The following XPR1 variants were observed in gnomAD, a reference collection of about 807,000 sequenced individuals.
XPR1 encodes solute carrier family 53 member 1.
Under a neutral mutation model 87.5 loss-of-function variants are expected in XPR1, and 28 were observed. The ratio of observed to expected loss-of-function variants is 0.32; its 90% CI spans 0.24 to 0.44. The LOEUF (loss-of-function observed/expected upper bound fraction) is 0.44. Ranked by LOEUF, XPR1 falls within the 20% of genes least tolerant of loss-of-function variation. XPR1 has a pLI of 1.00. For synonymous variants in XPR1, 300 were observed against 306.1 expected (o/e 0.98, Z 0.21); for missense variants, 559 against 862.3 (o/e 0.65, Z 4.41).
rs150022313 is a variant in XPR1 at position 180,682,389 on chromosome 1, G to C, written c.99G>C (p.Gln33His). Reference protein sequence around the residue: ...EAFKDMLYSAQDQAPSVEVTD... With the variant: ...EAFKDMLYSAHDQAPSVEVTD... The stretch of plus-strand genomic sequence containing the variant: ...TCAAGGATATGCTGTATTCAGCTCA[G>C]GACCAGGCACCTTCTGTGGAAGGTA... Residue 33 changes from glutamine (Q) to histidine (H), a missense_variant, in exon 2 of 15, where the codon CAG (glutamine) becomes CAC (histidine). Coordinates refer to ENST00000367590, the MANE Select transcript of XPR1 (RefSeq NM_004736.4). 5.0e-6 allele frequency: 8 copies of C among 1,601,818 alleles called. No homozygotes were observed. In the African/African-American group the frequency reaches 9.4e-5, roughly 19 times the overall value.
chr1:180,666,068 C>G (rs1415259448), intron 1 of XPR1, among the ~76,000 whole-genome samples: 1 of 152,124 alleles, frequency 6.6e-6, no homozygotes, highest in East Asian at 1.9e-4. Context: ...AGACTGTTTT[C>G]TCCATTGGGT....
chr1:180,676,726 T>G (rs1656380370), intron 1 of XPR1, among the ~76,000 whole-genome samples: 1 of 152,250 alleles, frequency 6.6e-6, no homozygotes, highest in South Asian at 2.1e-4. Context: ...ACTGAGTATA[T>G]ATACATTTTT....
chr1:180,787,645 T>C (rs889541207), intron 2 of XPR1, 108 bp from the exon 3 acceptor site: 1 of 750,434 alleles, frequency 1.3e-6, no homozygotes, highest in Non-Finnish European at 2.2e-6. Context: ...GAAATACATA[T>C]AAAGTTGTCA....
chr1:180,854,958 T>C (rs1176372003), intron 11 of XPR1, among the ~76,000 whole-genome samples: 2 of 152,174 alleles, frequency 1.3e-5, no homozygotes, highest in African/African-American at 4.8e-5. Context: ...AAGTATTTGT[T>C]GGAAGGTAAA....
At chr1:180,672,573 T>C (rs936992194) in intron 1 of XPR1, among the ~76,000 whole-genome samples, 3 of 152,182 alleles carry the variant, frequency 2.0e-5, no homozygotes, top group African/African-American at 7.2e-5. Context: ...TTTACAAAAC[T>C]GTCCTGTTTA....
At chr1:180,852,610 G>T (rs1039569785) in intron 11 of XPR1, among the ~76,000 whole-genome samples, 1 of 152,206 alleles carries the variant, frequency 6.6e-6, no homozygotes, top group South Asian at 2.1e-4. Flanking sequence ...GTGCAATGGT[G>T]TAATCTCAGC....
At chr1:180,686,538 C>T (rs1656783356) in intron 2 of XPR1, among the ~76,000 whole-genome samples, 1 of 152,014 alleles carries the variant, frequency 6.6e-6, no homozygotes, top group Non-Finnish European at 1.5e-5. Context: ...TCCTGGGTAT[C>T]CTTGTTAGCT....
At chr1:180,774,013 C>T (rs138116392) in intron 2 of XPR1, among the ~76,000 whole-genome samples, 192 of 152,080 alleles carry the variant, frequency 1.3e-3, no homozygotes, top group African/African-American at 4.5e-3. Context: ...GTTTTATATA[C>T]ATTTGCTTTG....
intron 9 of XPR1, among the ~76,000 whole-genome samples, chr1:180,833,682 C>G (rs1464975004): frequency 6.6e-6 from 1 of 152,120 alleles, no homozygotes; most frequent in Admixed American, 6.5e-5. Flanking sequence ...AGAATAAACA[C>G]AAAAGCTAAA....
chr1:180,820,003 G>C (rs4652531), intron 7 of XPR1, among the ~76,000 whole-genome samples: 51,084 of 150,422 alleles, frequency 0.34, 9,029 homozygotes, highest in Non-Finnish European at 0.38. Context: ...CTGGGCAACA[G>C]AGCAAGACTC....
chr1:180,883,875 T>C, intron 14 of XPR1, 131 bp from the exon 15 acceptor site: 1 of 701,882 alleles, frequency 1.4e-6, no homozygotes, highest in South Asian at 2.1e-5. Flanking sequence ...ATAATCCGTC[T>C]GGTACAGCAG....
At chr1:180,659,349 TTCCGTCCTTCCGTCCTTCCG>T (rs1655670333) in intron 1 of XPR1, among the ~76,000 whole-genome samples, 3 of 76,222 alleles carry the variant, frequency 3.9e-5, no homozygotes, top group Non-Finnish European at 5.5e-5. Context: ...CCGTCCTTCC[TTCCGTCCTTCCGTCCTTCCG>T]TCCGTCCTTC....
chr1:180,879,737 C>T (rs1190188057), intron 13 of XPR1, among the ~76,000 whole-genome samples: 1 of 152,216 alleles, frequency 6.6e-6, no homozygotes, highest in African/African-American at 2.4e-5. Context: ...GTCTCCACCA[C>T]TAGAAATTAC....
intron 2 of XPR1, among the ~76,000 whole-genome samples, chr1:180,702,288 T>C (rs1657368431): frequency 7.9e-6 from 1 of 126,258 alleles, no homozygotes; most frequent in East Asian, 2.2e-4. Context: ...TTGATTGCAC[T>C]GTGGTCTGAG....
chr1:180,669,439 G>A (rs2101928699), intron 1 of XPR1, among the ~76,000 whole-genome samples: 1 of 152,168 alleles, frequency 6.6e-6, no homozygotes, highest in African/African-American at 2.4e-5. Flanking sequence ...CTGGAGTGCA[G>A]TGGCGCAATC....
At chr1:180,857,796 G>A (rs1160997323) in intron 11 of XPR1, among the ~76,000 whole-genome samples, 1 of 152,116 alleles carries the variant, frequency 6.6e-6, no homozygotes, top group Non-Finnish European at 1.5e-5. Flanking sequence ...CAAGCAAGCA[G>A]ATGTTTTTTT....
At chr1:180,805,927 T>G in intron 4 of XPR1, 135 bp from the exon 5 acceptor site, 1 of 908,558 alleles carries the variant, frequency 1.1e-6, no homozygotes, top group Non-Finnish European at 1.6e-6. Flanking sequence ...AGTAGATGCT[T>G]TTATGAAAGC....
chr1:180,780,235 G>T (rs1232952715), intron 2 of XPR1, among the ~76,000 whole-genome samples: 1 of 152,080 alleles, frequency 6.6e-6, no homozygotes. Context: ...AGGAACTACC[G>T]AACTGTTTTC....
At chr1:180,640,051 T>A (rs1654916188) in intron 1 of XPR1, among the ~76,000 whole-genome samples, 1 of 152,212 alleles carries the variant, frequency 6.6e-6, no homozygotes, top group Non-Finnish European at 1.5e-5. Context: ...TGTCAGCTGT[T>A]TTACATATGT....
Sources: gnomAD v4.1 joint callset for allele counts (sites outside exome capture counted in the v4.1 genomes callset) on GRCh38, gnomAD v4.1.1 for gene constraint, MANE v1.5 for transcripts, NCBI Gene and HGNC (gene_info 2026-07-23, HGNC 2026-07-21) for gene names.